The following CD200R1L variants were observed in gnomAD, a reference collection of about 807,000 sequenced individuals.
CD200R1L encodes CD200 receptor 1 like.
In CD200R1L, 14 loss-of-function variants were observed where a neutral mutation model predicts 24.8. The ratio of observed to expected loss-of-function variants is 0.56; its 90% CI spans 0.37 to 0.88. The LOEUF (loss-of-function observed/expected upper bound fraction) is 0.88. CD200R1L is among the 40% of genes least tolerant of loss of function. The pLI is 0.00. For missense variants in CD200R1L, 299 were observed against 297.8 expected (o/e 1.00, Z -0.03); for synonymous variants, 111 against 109.2 (o/e 1.02, Z -0.11).
At chr3:112,824,946 T>G (rs1172706384) in intron 6 of CD200R1L, among the ~76,000 whole-genome samples, 2 of 151,960 alleles carry the variant, frequency 1.3e-5, no homozygotes, top group African/African-American at 4.8e-5. Context: ...GAGGTGGAAA[T>G]TGCATGTAAG....
intron 3 of CD200R1L, among the ~76,000 whole-genome samples, chr3:112,833,816 A>G (rs1241170848): frequency 1.3e-5 from 2 of 152,192 alleles, no homozygotes; most frequent in Non-Finnish European, 2.9e-5. Flanking sequence ...TCAGTCTGTG[A>G]TATAAGCCAA....
intron 3 of CD200R1L, among the ~76,000 whole-genome samples, chr3:112,833,993 A>C (rs1177550289): frequency 6.6e-6 from 1 of 152,222 alleles, no homozygotes; most frequent in Non-Finnish European, 1.5e-5. Flanking sequence ...AAGAGTCAAA[A>C]TTGGAAGGTA....
chr3:112,845,815 G>A lies in CD200R1L; in HGVS notation c.-223C>T. On this transcript the variant is annotated 5_prime_UTR_variant, in exon 2 of 8. It introduces an in-frame stop codon into an upstream open reading frame of the 5' UTR. Transcript: ENST00000488794. The stretch of plus-strand genomic sequence containing the variant: ...CAGACTTGGTGAATCTGTTTCTCTT[G>A]GTCACTTTTGCTTATTCTGTCTTCA... 1 of 1,045,334 alleles carries A rather than the reference G, an allele frequency of 9.6e-7. No homozygotes were observed. The highest frequency in any genetic ancestry group is 1.5e-6 in the Non-Finnish European group (1 of 679,374). The allele number at this position is 1,045,334 out of a possible 1,614,324, so 64.8% of individuals were successfully genotyped here. A position where few individuals can be genotyped will look rare whatever the true frequency, so the allele number is the denominator to read the frequency against.
chr3:112,840,498 T>C (rs1465893746), intron 2 of CD200R1L, among the ~76,000 whole-genome samples: 2 of 152,192 alleles, frequency 1.3e-5, no homozygotes, highest in African/African-American at 4.8e-5. Flanking sequence ...TGCTAACACA[T>C]TCATAAGAAT....
At chr3:112,828,260 C>T (rs181621439) in intron 4 of CD200R1L, among the ~76,000 whole-genome samples, 6 of 152,176 alleles carry the variant, frequency 3.9e-5, no homozygotes, top group South Asian at 4.2e-4. Flanking sequence ...GTAACTAATA[C>T]GGCATTCAAG....
At chr3:112,843,860 T>A (rs1939137059) in intron 2 of CD200R1L, among the ~76,000 whole-genome samples, 1 of 152,074 alleles carries the variant, frequency 6.6e-6, no homozygotes, top group Non-Finnish European at 1.5e-5. Flanking sequence ...TGGAAAAAGA[T>A]CTATCACACA....
intron 6 of CD200R1L, among the ~76,000 whole-genome samples, chr3:112,825,155 C>T (rs1938628584): frequency 6.6e-6 from 1 of 151,560 alleles, no homozygotes; most frequent in Non-Finnish European, 1.5e-5. Context: ...AGGAGGATGG[C>T]ATGAACCTGG....
intron 6 of CD200R1L, among the ~76,000 whole-genome samples, chr3:112,826,405 G>T (rs1307492264): frequency 1.3e-5 from 2 of 152,052 alleles, no homozygotes; most frequent in African/African-American, 4.8e-5. Flanking sequence ...ATGAGACAGA[G>T]ATATTAAATA....
At chr3:112,820,637 G>A (rs1055144662) in intron 6 of CD200R1L, among the ~76,000 whole-genome samples, 2 of 151,446 alleles carry the variant, frequency 1.3e-5, no homozygotes, top group African/African-American at 4.8e-5. Flanking sequence ...CGTCATGTTG[G>A]CCAGGCTGGT....
intron 6 of CD200R1L, among the ~76,000 whole-genome samples, 181 bp downstream of exon 6, chr3:112,826,812 T>C (rs1293779317): frequency 1.3e-5 from 2 of 152,214 alleles, no homozygotes; most frequent in African/African-American, 2.4e-5. Flanking sequence ...TAACAAAATC[T>C]ATTTTTATGG....
chr3:112,835,695 G>A (rs1218941414), intron 3 of CD200R1L, among the ~76,000 whole-genome samples: 1 of 152,174 alleles, frequency 6.6e-6, no homozygotes, highest in African/African-American at 2.4e-5. Context: ...TCATGCCGAG[G>A]GGCACCTGCA....
chr3:112,817,723 T>C (rs1223915441), intron 7 of CD200R1L, among the ~76,000 whole-genome samples: 1 of 152,244 alleles, frequency 6.6e-6, no homozygotes, highest in Non-Finnish European at 1.5e-5. Flanking sequence ...AATAACCATA[T>C]GCATATAATA....
Position 112,827,233 on chromosome 3 carries a change from C to T in CD200R1L, c.376G>A (p.Glu126Lys), listed in dbSNP as rs756594504. Residue 126 changes from glutamate to lysine, a missense_variant, in exon 6 of 8, where the codon GAA becomes AAA. Glu to Lys is a moderately conservative substitution (Grantham distance 56). Coordinates refer to ENST00000488794, the MANE Select transcript of CD200R1L (RefSeq NM_001199215.3). Reference sequence around the variant, plus strand: ...TTCCTGCTTTGAAATAGGTTCACTTCGGGTGTAACTGCAGAGAGGAAAGAG... The same window carrying T: ...TTCCTGCTTTGAAATAGGTTCACTTTGGGTGTAACTGCAGAGAGGAAAGAG... ...GYHLQVLVTP[E>K]VNLFQSRNIT... 5.9e-5 allele frequency: 95 copies of T among 1,610,390 alleles called. No individual in the cohort carries two copies. Among genetic ancestry groups the T allele is most frequent in the Non-Finnish European group, 6.9e-5 (81 of 1,178,308 alleles).
At position 112,827,160 on chromosome 3, in the gene CD200R1L, A is replaced by T. The variant is rs1229820635; in HGVS notation, c.449T>A (p.Ile150Asn). Residue 150 changes from isoleucine to asparagine, a missense_variant, in exon 6 of 8, where the codon ATC becomes AAC. Physicochemically the swap from Ile to Asn is moderately radical, Grantham distance 149 (BLOSUM62 -3). Transcript: ENST00000488794. ...AATAGATCCCTCTGGGATCCAGGAG[A>T]TCTGGGCAGCTGGCTTCCCTGTAAC... is the stretch of plus-strand genomic sequence containing the variant. ...KAVTGKPAAQISWIPEGSILA... is the reference protein window; with the variant it reads ...KAVTGKPAAQNSWIPEGSILA... 1 of 1,613,598 alleles carries T rather than the reference A, an allele frequency of 6.2e-7. No homozygotes were observed. Among genetic ancestry groups the T allele is most frequent in the Non-Finnish European group, 8.5e-7 (1 of 1,180,008 alleles).
In CD200R1L at chr3:112,815,806, G is replaced by T. The variant is rs1162274237; in HGVS notation, c.*157C>A. The T allele has an allele frequency of 3.2e-6, 2 of 615,740 alleles. No homozygotes were observed. Among genetic ancestry groups the T allele is most frequent in the East Asian group, 5.4e-5 (2 of 36,898 alleles). The allele number at this position is 615,740 out of a possible 1,614,324, so 38.1% of individuals were successfully genotyped here. A position where few individuals can be genotyped will look rare whatever the true frequency, so the allele number is the denominator to read the frequency against. ...GAAACTTCATGGTCATCAAGCCCAG[G>T]ATCCTTCTTCCATCTTTCTTTTCTT... On this transcript the variant is annotated 3_prime_UTR_variant, in exon 8 of 8. Coordinates refer to ENST00000488794, the MANE Select transcript of CD200R1L (RefSeq NM_001199215.3).
At chr3:112,845,076 C>T (rs1391521671) in intron 2 of CD200R1L, among the ~76,000 whole-genome samples, 2 of 151,762 alleles carry the variant, frequency 1.3e-5, no homozygotes, top group African/African-American at 4.8e-5. Context: ...AAAATCTATA[C>T]AAAGCATCAA....
chr3:112,841,708 G>A lies in CD200R1L; in HGVS notation c.-86-3698C>T, dbSNP rs367966139. 1.1e-3 allele frequency among the ~76,000 whole-genome samples: 165 copies of A among 152,310 alleles called. 4 individuals carry two copies. The South Asian group carries it at 0.032, about 29-fold the overall frequency. ...TGCCTTGCCACTCCTGAAATAGGGT[G>A]CACACAGCACAGCCTCCATTTCTCC... is the stretch of plus-strand genomic sequence containing the variant. On this transcript the variant is annotated intron_variant, in intron 2 of 7. Transcript: ENST00000488794.
In CD200R1L at chr3:112,845,964, C is replaced by A. The variant is rs555401275; in HGVS notation, c.-358-14G>T. On this transcript the variant is annotated splice_polypyrimidine_tract_variant and intron_variant, in intron 1 of 7. Coordinates refer to ENST00000488794, the MANE Select transcript of CD200R1L (RefSeq NM_001199215.3). ...CAGTGAGTTTTGCTGTGTAATAAAGCAAAAAAGCCAATGCTTACTACTCAT... is the reference window on the plus strand; with the variant it reads ...CAGTGAGTTTTGCTGTGTAATAAAGAAAAAAAGCCAATGCTTACTACTCAT... 184 of 471,090 alleles carry A rather than the reference C, an allele frequency of 3.9e-4. No individual in the cohort carries two copies. The highest frequency in any genetic ancestry group is 6.5e-4 in the Non-Finnish European group (171 of 264,442). The allele number at this position is 471,090 out of a possible 1,614,324, so 29.2% of individuals were successfully genotyped here.
chr3:112,824,670 G>A (rs757414475), intron 6 of CD200R1L, among the ~76,000 whole-genome samples: 1 of 152,188 alleles, frequency 6.6e-6, no homozygotes, highest in African/African-American at 2.4e-5. Flanking sequence ...GTGAGAATAC[G>A]AGGAAAACGC....
Sources: gnomAD v4.1 joint callset for allele counts (sites outside exome capture counted in the v4.1 genomes callset) on GRCh38, gnomAD v4.1.1 for gene constraint, MANE v1.5 for transcripts, NCBI Gene and HGNC (gene_info 2026-07-23, HGNC 2026-07-21) for gene names.